Variants in PTPRT observed in about 807,000 individuals in gnomAD.
The protein encoded by PTPRT is receptor-type tyrosine-protein phosphatase T.
A neutral mutation model predicts 176.8 loss-of-function variants in PTPRT; 56 were observed. That is an observed-to-expected ratio of 0.32 (90% CI 0.26 to 0.40). The LOEUF (loss-of-function observed/expected upper bound fraction) is 0.40. Among genes scored for constraint, PTPRT ranks in the 10% least tolerant of loss-of-function variants. The pLI, the probability that PTPRT is intolerant of heterozygous loss-of-function variation, is 1.00. For synonymous variants in PTPRT, 783 were observed against 739.0 expected (o/e 1.06, Z -0.96); for missense variants, 1,540 against 1,908.2 (o/e 0.81, Z 3.60).
intron 7 of PTPRT, among the ~76,000 whole-genome samples, chr20:42,604,243 T>C (rs912228609): frequency 3.3e-5 from 5 of 152,196 alleles, no homozygotes; most frequent in Non-Finnish European, 5.9e-5. Context: ...CCTGGTTTTT[T>C]CAACAGAGTC....
intron 9 of PTPRT, among the ~76,000 whole-genome samples, chr20:42,410,082 T>G (rs2058999027): frequency 6.6e-6 from 1 of 152,056 alleles, no homozygotes; most frequent in African/African-American, 2.4e-5. Flanking sequence ...ATGCAAAAAC[T>G]TAGGGAATAC....
At chr20:42,706,035 C>T (rs2076049931) in intron 6 of PTPRT, among the ~76,000 whole-genome samples, 1 of 152,038 alleles carries the variant, frequency 6.6e-6, no homozygotes, top group South Asian at 2.1e-4. Context: ...ACAGGTTTCC[C>T]AAGCTCCTCA....
In PTPRT at chr20:42,104,430, G is replaced by A. The variant is rs945072856; in HGVS notation, c.3540+139C>T. Reference sequence around the variant, plus strand: ...GCCCTCCCCAGACACTGGATTTACTGGAAGCTTGATGCTGGGCTTCTCAGC... The same window carrying A: ...GCCCTCCCCAGACACTGGATTTACTAGAAGCTTGATGCTGGGCTTCTCAGC... On this transcript the variant is annotated intron_variant, in intron 25 of 30. Transcript: ENST00000373187. 17 of 997,196 alleles carry A rather than the reference G, an allele frequency of 1.7e-5. No individual in the cohort carries two copies. The African/African-American group carries it at 2.3e-4, about 14-fold the overall frequency. 61.8% of individuals were successfully genotyped at this position (997,196 alleles called of 1,614,324 possible).
intron 1 of PTPRT, among the ~76,000 whole-genome samples, chr20:43,112,954 C>T (rs1280413946): frequency 6.6e-6 from 1 of 151,706 alleles, no homozygotes; most frequent in Non-Finnish European, 1.5e-5. Flanking sequence ...TGGGGTTTTG[C>T]ATGTAACTCA....
intron 15 of PTPRT, among the ~76,000 whole-genome samples, chr20:42,219,119 G>A (rs1314985570): frequency 2.6e-5 from 4 of 152,158 alleles, no homozygotes; most frequent in Non-Finnish European, 5.9e-5. Context: ...GTCTGTCTGC[G>A]CTCCTGGGGA....
In PTPRT at chr20:42,592,443, A is replaced by G. The variant is rs181633868; in HGVS notation, c.1153+85423T>C. On this transcript the variant is annotated intron_variant, in intron 7 of 30. Coordinates refer to ENST00000373187, the MANE Select transcript of PTPRT (RefSeq NM_007050.6). ...GCACAGGAACAAAATGAAAGCATCA[A>G]GAACACCCTGACCTGCTACTCAGGA... Among the ~76,000 whole-genome samples, 720 of 152,338 alleles carry G rather than the reference A, an allele frequency of 4.7e-3. 6 individuals carry two copies. The highest frequency in any genetic ancestry group is 7.1e-3 in the Non-Finnish European group (481 of 68,026).
intron 1 of PTPRT, among the ~76,000 whole-genome samples, chr20:43,070,384 A>G (rs2011164427): frequency 6.6e-6 from 1 of 152,220 alleles, no homozygotes; most frequent in Non-Finnish European, 1.5e-5. Context: ...GTGGGACTGT[A>G]AACTAGTTCA....
At chr20:42,812,169 G>T (rs543895884) in intron 2 of PTPRT, among the ~76,000 whole-genome samples, 1 of 151,922 alleles carries the variant, frequency 6.6e-6, no homozygotes, top group African/African-American at 2.4e-5. Context: ...GTATGTCTTG[G>T]TATCTAGCAT....
At chr20:42,434,728 G>A (rs974750258) in intron 9 of PTPRT, among the ~76,000 whole-genome samples, 3 of 151,618 alleles carry the variant, frequency 2.0e-5, no homozygotes, top group Admixed American at 6.6e-5. Flanking sequence ...TTGGGAGGCT[G>A]AGGCATGTGG....
chr20:43,066,576 T>A (rs2011113758), intron 1 of PTPRT, among the ~76,000 whole-genome samples: 1 of 152,212 alleles, frequency 6.6e-6, no homozygotes, highest in Admixed American at 6.5e-5. Flanking sequence ...GCTACATTCC[T>A]GTGTATTCCA....
chr20:42,702,443 A>C (rs1425702419), intron 6 of PTPRT, among the ~76,000 whole-genome samples: 1 of 152,216 alleles, frequency 6.6e-6, no homozygotes, highest in East Asian at 1.9e-4. Context: ...GGCTGGGGTG[A>C]AAAGTCATTT....
intron 11 of PTPRT, among the ~76,000 whole-genome samples, chr20:42,322,278 C>A (rs977759659): frequency 2.0e-5 from 3 of 150,292 alleles, no homozygotes; most frequent in African/African-American, 7.5e-5. Flanking sequence ...TCATATGGAA[C>A]CAAAAAAGAG....
intron 2 of PTPRT, among the ~76,000 whole-genome samples, chr20:42,819,194 G>A (rs544248632): frequency 6.6e-6 from 1 of 152,158 alleles, no homozygotes; most frequent in Non-Finnish European, 1.5e-5. Flanking sequence ...CAGACTAACA[G>A]TGGACCTCTG....
intron 15 of PTPRT, among the ~76,000 whole-genome samples, chr20:42,209,834 G>A (rs2055575405): frequency 6.6e-6 from 1 of 152,114 alleles, no homozygotes; most frequent in Admixed American, 6.5e-5. Context: ...GCCTGGCAGA[G>A]ACACAACAAA....
chr20:42,418,534 C>G (rs560293094), intron 9 of PTPRT, among the ~76,000 whole-genome samples: 24 of 152,316 alleles, frequency 1.6e-4, no homozygotes, highest in African/African-American at 5.8e-4. Flanking sequence ...AAAATTTAAT[C>G]TAGCCAATAA....
At chr20:42,155,766 C>T (rs778990851) in intron 17 of PTPRT, among the ~76,000 whole-genome samples, 16 of 152,108 alleles carry the variant, frequency 1.1e-4, no homozygotes, top group Non-Finnish European at 2.1e-4. Flanking sequence ...CTTGTCTGGG[C>T]TCTGGGCCCA....
chr20:42,267,988 T>G (rs903580615), intron 13 of PTPRT, among the ~76,000 whole-genome samples: 11 of 152,182 alleles, frequency 7.2e-5, no homozygotes, highest in Non-Finnish European at 1.2e-4. Context: ...AAGGTGGCAT[T>G]GCTGAGAGCT....
downstream of PTPRT, among the ~76,000 whole-genome samples, chr20:42,070,186 A>G (rs1378262821): frequency 6.6e-6 from 1 of 151,928 alleles, no homozygotes; most frequent in Non-Finnish European, 1.5e-5. Flanking sequence ...TGCCTTCTGC[A>G]TGGTATGTTG....
intron 18 of PTPRT, among the ~76,000 whole-genome samples, chr20:42,137,374 C>T (rs1055778836): frequency 1.3e-5 from 2 of 152,194 alleles, no homozygotes; most frequent in South Asian, 2.1e-4. Context: ...AGTGAGGGTC[C>T]TCTCTGCACT....
Sources: allele counts gnomAD v4.1 joint callset (sites outside exome capture counted in the v4.1 genomes callset), GRCh38; gene constraint gnomAD v4.1.1; transcripts MANE v1.5; gene names NCBI Gene and HGNC (gene_info 2026-07-23, HGNC 2026-07-21).